MOB1B: variants seen among roughly 807,000 people sequenced by gnomAD.
MOB1B encodes MOB kinase activator 1B, also known as MOB1 Mps One Binder homolog B.
Under a neutral mutation model 24.4 loss-of-function variants are expected in MOB1B, and 19 were observed. That is an observed-to-expected ratio of 0.78 (90% CI 0.54 to 1.14). The LOEUF (loss-of-function observed/expected upper bound fraction) is 1.14, where lower values mean the gene tolerates loss of function less well. Among genes scored for constraint, MOB1B ranks in the 50% most tolerant of loss-of-function variants. The pLI, the probability that MOB1B is intolerant of heterozygous loss-of-function variation, is 0.00. For synonymous variants in MOB1B, 76 were observed against 82.1 expected (o/e 0.93, Z 0.40); for missense variants, 243 against 259.6 (o/e 0.94, Z 0.44).
chr4:70,930,863 TGG>T, intron 1 of MOB1B, among the ~76,000 whole-genome samples: 1 of 152,198 alleles, frequency 6.6e-6, no homozygotes, highest in Admixed American at 6.5e-5. Context: ...TTCTAGGTAT[TGG>T]GGAGCATTGC....
At chr4:70,947,174 T>C (rs1447158088) in intron 1 of MOB1B, among the ~76,000 whole-genome samples, 1 of 152,200 alleles carries the variant, frequency 6.6e-6, no homozygotes, top group Admixed American at 6.5e-5. Context: ...AACTAAAAAA[T>C]TGGGGATGAT....
intron 1 of MOB1B, among the ~76,000 whole-genome samples, chr4:70,937,494 T>C (rs1488763033): frequency 6.6e-6 from 1 of 151,860 alleles, no homozygotes; most frequent in Non-Finnish European, 1.5e-5. Flanking sequence ...GTCCTTAATT[T>C]TTTTTTTCTC....
At chr4:70,902,257 CG>C (rs1435997878), upstream of MOB1B, 1 of 558,038 alleles carries the variant, frequency 1.8e-6, no homozygotes. Flanking sequence ...GAGGTGGGGG[CG>C]GCGGGGAGCT....
At chr4:70,975,590 G>T (rs1293910514) in intron 4 of MOB1B, 36 of 994,510 alleles carry the variant, frequency 3.6e-5, no homozygotes, top group Non-Finnish European at 4.3e-5. Context: ...AATTATTTTT[G>T]ATGATATTCT....
rs746556503 is a variant in MOB1B, at chr4:70,979,234, G to A, written c.516G>A (p.Gln172=). ...ATCAGCATTTTGACCCTGTGATCCA[G>A]CTTCAGGAGGAAGCACATCTAAATA... The part of the protein sequence containing the change: ...IYHQHFDPVI[Q]LQEEAHLNTS... The change falls in exon 5 of 6, where the codon CAG becomes CAA. Residue 172 remains glutamine, a synonymous_variant. Coordinates refer to ENST00000309395, the MANE Select transcript of MOB1B (RefSeq NM_173468.4). 39 of 1,613,872 alleles carry A rather than the reference G, an allele frequency of 2.4e-5. No individual in the cohort carries two copies. The East Asian group carries it at 8.3e-4, about 34-fold the overall frequency.
chr4:70,972,333 A>G (rs557431355), intron 3 of MOB1B, among the ~76,000 whole-genome samples: 1 of 151,614 alleles, frequency 6.6e-6, no homozygotes, highest in African/African-American at 2.4e-5. Flanking sequence ...CCCTGCCTCA[A>G]CCTCTTGAGT....
intron 3 of MOB1B, among the ~76,000 whole-genome samples, chr4:70,971,376 G>T (rs1435862965): frequency 6.6e-6 from 1 of 151,874 alleles, no homozygotes; most frequent in Non-Finnish European, 1.5e-5. Flanking sequence ...GTGGTGGTGT[G>T]CATCTGTAAT....
Position 70,971,478 on chromosome 4 carries a change from C to G in MOB1B, c.275+1454C>G, listed in dbSNP as rs149260933. Among the ~76,000 whole-genome samples the G allele has an allele frequency of 1.7e-4, 25 of 145,960 alleles. No individual in the cohort carries two copies. The East Asian group carries it at 4.6e-3, about 27-fold the overall frequency. On this transcript the variant is annotated intron_variant, in intron 3 of 5. Transcript: ENST00000309395. ...ATCGTGCCAGTGTGTGTACTCCAGC[C>G]TGAATGATAGAGTGAGACTCTGTCT...
chr4:70,914,633 G>A (rs1736125737), intron 1 of MOB1B, among the ~76,000 whole-genome samples: 2 of 152,162 alleles, frequency 1.3e-5, no homozygotes, highest in African/African-American at 4.8e-5. Flanking sequence ...TATTAAACGA[G>A]TTCACATCAC....
In MOB1B at chr4:70,949,326, A is replaced by T. The variant is rs184544707; in HGVS notation, c.15-9548A>T. ...ATTATAGGCAGAAATGTAAGTAGATATGTCTGTTCAGACTGCTGTCTGTCT... is the reference window on the plus strand; with the variant it reads ...ATTATAGGCAGAAATGTAAGTAGATTTGTCTGTTCAGACTGCTGTCTGTCT... On this transcript the variant is annotated intron_variant, in intron 1 of 5. Transcript: ENST00000309395. 6.6e-4 allele frequency among the ~76,000 whole-genome samples: 100 copies of T among 152,334 alleles called. 1 individual carries two copies. The highest frequency in any genetic ancestry group is 1.2e-3 in the Non-Finnish European group (83 of 68,026).
At chr4:70,935,657 C>A (rs1663721760) in intron 1 of MOB1B, among the ~76,000 whole-genome samples, 1 of 151,632 alleles carries the variant, frequency 6.6e-6, no homozygotes, top group South Asian at 2.1e-4. Flanking sequence ...AACCATTATA[C>A]TCTTTTTTTT....
intron 1 of MOB1B, chr4:70,950,696 G>A: frequency 1.4e-6 from 2 of 1,465,446 alleles, no homozygotes; most frequent in Non-Finnish European, 1.8e-6. Flanking sequence ...TTATCCTGAT[G>A]TAGGAGTTCT....
At chr4:70,960,217 G>A (rs1215914183) in intron 2 of MOB1B, among the ~76,000 whole-genome samples, 1 of 151,962 alleles carries the variant, frequency 6.6e-6, no homozygotes, top group Non-Finnish European at 1.5e-5. Context: ...ATATCAAGTA[G>A]TCATCTTATG....
chr4:70,970,529 C>A (rs953091893), intron 3 of MOB1B, among the ~76,000 whole-genome samples: 1 of 152,010 alleles, frequency 6.6e-6, no homozygotes, highest in Non-Finnish European at 1.5e-5. Flanking sequence ...TCTTTTAATT[C>A]CCTTTTGGTG....
chr4:70,975,484 A>G (rs755737068), intron 4 of MOB1B, 198 bp downstream of exon 4: 4 of 1,282,728 alleles, frequency 3.1e-6, no homozygotes, highest in Non-Finnish European at 3.9e-6. Flanking sequence ...ATCCTGTGTG[A>G]ATTGAGCTTT....
intron 1 of MOB1B, among the ~76,000 whole-genome samples, chr4:70,938,426 C>T (rs1193191014): frequency 1.4e-5 from 2 of 145,110 alleles, no homozygotes; most frequent in Non-Finnish European, 1.5e-5. Context: ...CTAGGGGTCT[C>T]GACATGATTA....
At chr4:70,929,113 A>G (rs1205786849) in intron 1 of MOB1B, among the ~76,000 whole-genome samples, 2 of 152,250 alleles carry the variant, frequency 1.3e-5, no homozygotes, top group South Asian at 2.1e-4. Context: ...TAAACAAGAT[A>G]ATAGTAAAGG....
chr4:70,943,413 G>A (rs989043527), intron 1 of MOB1B, among the ~76,000 whole-genome samples: 1 of 152,170 alleles, frequency 6.6e-6, no homozygotes, highest in African/African-American at 2.4e-5. Context: ...TCTTTAGCAA[G>A]ATTAGCTCAC....
At chr4:70,971,158 TC>T (rs749102200) in intron 3 of MOB1B, among the ~76,000 whole-genome samples, 2 of 152,154 alleles carry the variant, frequency 1.3e-5, no homozygotes, top group African/African-American at 4.8e-5. Context: ...ACTGTCACAC[TC>T]CCCACCTCGC....
Sources: allele counts gnomAD v4.1 joint callset (sites outside exome capture counted in the v4.1 genomes callset), GRCh38; gene constraint gnomAD v4.1.1; transcripts MANE v1.5; gene names NCBI Gene and HGNC (gene_info 2026-07-23, HGNC 2026-07-21).